ETV6: variants seen among roughly 807,000 people sequenced by gnomAD.
ETV6 encodes ETS variant transcription factor 6.
In ETV6, 16 loss-of-function variants were observed where a neutral mutation model predicts 51.1. The ratio of observed to expected loss-of-function variants is 0.31; its 90% CI spans 0.21 to 0.48. The LOEUF is 0.48. Among genes scored for constraint, ETV6 ranks in the 20% least tolerant of loss-of-function variants. The probability of loss-of-function intolerance (pLI) is 0.99; values close to 1 mark genes in which losing one functional copy is unlikely to be tolerated. For synonymous variants in ETV6, 240 were observed against 224.1 expected, an observed-to-expected ratio of 1.07 and a Z score of -0.64; for missense variants, 458 against 594.8, an observed-to-expected ratio of 0.77 and a Z score of 2.39.
intron 2 of ETV6, among the ~76,000 whole-genome samples, chr12:11,828,542 C>G (rs749297188): frequency 6.6e-6 from 1 of 152,148 alleles, no homozygotes; most frequent in Admixed American, 6.5e-5. Context: ...ATTGTCAGAA[C>G]TATTTGCATA....
intron 3 of ETV6, among the ~76,000 whole-genome samples, chr12:11,846,279 C>CA: frequency 6.6e-6 from 1 of 150,632 alleles, no homozygotes; most frequent in East Asian, 1.9e-4. Context: ...GAATAAAAAT[C>CA]AAAGAGAAGA....
chr12:11,894,985 T>C lies in ETV6; in HGVS notation c.*3939T>C, dbSNP rs1420648320. ...TCCTCTTCGGAGTAGAAATAAAGGC[T>C]GTGACACAAGGAAGCCAGTGGGGTG... On this transcript the variant is annotated 3_prime_UTR_variant, in exon 8 of 8. Coordinates refer to ENST00000396373, the MANE Select transcript of ETV6 (RefSeq NM_001987.5). 4.3e-6 allele frequency: 1 copy of C among 233,546 alleles called. No homozygotes were observed. Among genetic ancestry groups the C allele is most frequent in the African/African-American group, 2.2e-5 (1 of 45,314 alleles). The allele number at this position is 233,546 out of a possible 1,614,324, so 14.5% of individuals were successfully genotyped here.
intron 2 of ETV6, among the ~76,000 whole-genome samples, chr12:11,783,578 T>C (rs1448175719): frequency 6.6e-6 from 1 of 152,160 alleles, no homozygotes; most frequent in Non-Finnish European, 1.5e-5. Flanking sequence ...TATTTAGCCA[T>C]GTAGAATTGT....
chr12:11,849,236 G>A (rs1413738731), intron 3 of ETV6, among the ~76,000 whole-genome samples: 8 of 151,828 alleles, frequency 5.3e-5, no homozygotes, highest in South Asian at 2.1e-4. Context: ...TCAGCCTCCC[G>A]AGTAGCCGGG....
chr12:11,713,964 A>G (rs1459337479), intron 1 of ETV6, among the ~76,000 whole-genome samples: 2 of 152,200 alleles, frequency 1.3e-5, no homozygotes, highest in African/African-American at 4.8e-5. Flanking sequence ...TTCCCAGAGG[A>G]TGTGGACTGG....
chr12:11,653,239 T>C (rs1035522406), intron 1 of ETV6, among the ~76,000 whole-genome samples: 1 of 152,234 alleles, frequency 6.6e-6, no homozygotes, highest in Non-Finnish European at 1.5e-5. Context: ...GGCTGTCTTT[T>C]CCATCATCAG....
chr12:11,677,838 G>T (rs554477051), intron 1 of ETV6, among the ~76,000 whole-genome samples: 2 of 152,312 alleles, frequency 1.3e-5, no homozygotes, highest in African/African-American at 2.4e-5. Flanking sequence ...GATAATGTTT[G>T]TAAAATTCAC....
chr12:11,869,793 T>C lies in ETV6; in HGVS notation c.833T>C (p.Ile278Thr). Residue 278 changes from isoleucine (I) to threonine (T), a missense_variant, in exon 5 of 8, where the codon ATC becomes ACC. Around this residue, in one of 4 missense-constraint regions of ETV6, gnomAD observed 293 missense variants for 315.7 expected, o/e 0.93. Transcript: ENST00000396373. The surrounding 1 kb of genome is among the most constrained non-coding windows in gnomAD (Gnocchi z 5.0). ...CCCAGCCCCATCATGCACCCTCTGA[T>C]CCTGAACCCCCGGCACTCCGTGGAT... ...LMPSPIMHPL[I>T]LNPRHSVDFK... 1 of 1,613,148 alleles carries C rather than the reference T, an allele frequency of 6.2e-7. No homozygotes were observed. Among genetic ancestry groups the C allele is most frequent in the Non-Finnish European group, 8.5e-7 (1 of 1,179,986 alleles).
intron 4 of ETV6, among the ~76,000 whole-genome samples, chr12:11,864,307 C>T (rs754928365): frequency 1.6e-4 from 24 of 152,202 alleles, no homozygotes; most frequent in Non-Finnish European, 7.3e-5. Flanking sequence ...TGCAGGTAAC[C>T]AGATTACTGA....
chr12:11,729,079 A>G (rs546945095), intron 1 of ETV6, among the ~76,000 whole-genome samples: 98 of 152,374 alleles, frequency 6.4e-4, no homozygotes, highest in South Asian at 1.4e-3. Context: ...AACTGAAGCA[A>G]CAGTTTAAGG....
rs74537009 is a variant in ETV6, at chr12:11,812,929, C to T, written c.164-26211C>T. ...CATAGCTTAGTGATTTCCTGCCACC[C>T]AAGAGGCAGTGAGGGGCTCCCTGAC... On this transcript the variant is annotated intron_variant, in intron 2 of 7. Coordinates refer to ENST00000396373, the MANE Select transcript of ETV6 (RefSeq NM_001987.5). Among the ~76,000 whole-genome samples, 258 of 152,330 alleles carry T rather than the reference C, an allele frequency of 1.7e-3. 1 individual carries two copies. Among genetic ancestry groups the T allele is most frequent in the African/African-American group, 6.1e-3 (253 of 41,564 alleles).
intron 1 of ETV6, among the ~76,000 whole-genome samples, chr12:11,740,102 G>A (rs752244364): frequency 1.5e-4 from 23 of 152,170 alleles, no homozygotes; most frequent in Admixed American, 1.3e-3. Context: ...GATTCTCATG[G>A]GAACAAAAAA....
rs1946833076 is a variant in ETV6, at chr12:11,869,050, C to T, written c.464-374C>T. 1.3e-5 allele frequency among the ~76,000 whole-genome samples: 2 copies of T among 152,120 alleles called. No homozygotes were observed. The highest frequency in any genetic ancestry group is 2.9e-5 in the Non-Finnish European group (2 of 68,018). On this transcript the variant is annotated intron_variant, in intron 4 of 7. Coordinates refer to ENST00000396373, the MANE Select transcript of ETV6 (RefSeq NM_001987.5). This position sits in a 1 kb window ranked among gnomAD's most constrained non-coding sequence, Gnocchi z 5.0. Reference sequence around the variant, plus strand: ...AGGAGACCCAGACCATCCTGGCTAACACGGTGAAACCCCATCTCTACTAAA... The same window carrying T: ...AGGAGACCCAGACCATCCTGGCTAATACGGTGAAACCCCATCTCTACTAAA...
chr12:11,752,761 G>A (rs1353643628), intron 2 of ETV6, 182 bp downstream of exon 2: 3 of 595,396 alleles, frequency 5.0e-6, no homozygotes, highest in Non-Finnish European at 5.4e-6. Flanking sequence ...TGAGGTTCCT[G>A]TTCCTTGTTT....
intron 1 of ETV6, among the ~76,000 whole-genome samples, chr12:11,714,523 A>G (rs1865234063): frequency 2.0e-5 from 3 of 152,270 alleles, no homozygotes; most frequent in African/African-American, 7.2e-5. Flanking sequence ...GACTTTATGA[A>G]CTACCTACTA....
chr12:11,865,786 G>T (rs1946783424), intron 4 of ETV6, among the ~76,000 whole-genome samples: 2 of 150,156 alleles, frequency 1.3e-5, no homozygotes, highest in East Asian at 1.9e-4. Flanking sequence ...TTTTTCCTCT[G>T]GTTGCTTTCA....
chr12:11,773,118 C>T (rs754951488), intron 2 of ETV6, among the ~76,000 whole-genome samples: 39 of 150,064 alleles, frequency 2.6e-4, no homozygotes, highest in Admixed American at 4.7e-4. Flanking sequence ...GGCGTGAACC[C>T]GGGAGGCAGA....
intron 1 of ETV6, among the ~76,000 whole-genome samples, chr12:11,668,303 A>G (rs546177804): frequency 1.3e-5 from 2 of 148,928 alleles, no homozygotes; most frequent in East Asian, 2.0e-4. Flanking sequence ...GATGTGTGGG[A>G]GGGACACCCT....
Position 11,893,817 on chromosome 12 carries a change from TATATATATATATATATATATATATAC to T in ETV6, c.*2773_*2798del, listed in dbSNP as rs1565573363. The stretch of plus-strand genomic sequence containing the variant: ...TTTTATATATATATATATATATATA[TATATATATATATATATATATATATAC>T]ACACACACACACATACACAAATATT... On this transcript the variant is annotated 3_prime_UTR_variant, in exon 8 of 8. Coordinates refer to ENST00000396373, the MANE Select transcript of ETV6 (RefSeq NM_001987.5). 1.3e-4 allele frequency: 16 copies of T among 127,344 alleles called. No individual in the cohort carries two copies. The South Asian group carries it at 2.0e-3, about 16-fold the overall frequency. The allele number at this position is 127,344 out of a possible 1,614,324, so 7.9% of individuals were successfully genotyped here. A position where few individuals can be genotyped will look rare whatever the true frequency, so the allele number is the denominator to read the frequency against.
Sources: gnomAD v4.1 joint callset for allele counts (sites outside exome capture counted in the v4.1 genomes callset) on GRCh38, gnomAD v4.1.1 for gene constraint, gnomAD v4.1.1 regional missense constraint, Gnocchi (gnomAD v3.1) non-coding constraint, MANE v1.5 for transcripts, NCBI Gene and HGNC (gene_info 2026-07-23, HGNC 2026-07-21) for gene names.